Variants in MYBBP1A observed in about 807,000 individuals in gnomAD.
MYBBP1A encodes the protein MYB binding protein 1a.
In MYBBP1A, 147 loss-of-function variants were observed where a neutral mutation model predicts 136.3. The observed-to-expected ratio is 1.08, with a 90% CI of 0.94 to 1.24. The LOEUF (loss-of-function observed/expected upper bound fraction) is 1.24, where lower values mean the gene tolerates loss of function less well. Ranked by LOEUF, MYBBP1A falls within the 50% of genes most tolerant of loss-of-function variation. MYBBP1A has a pLI of 0.00. For synonymous variants in MYBBP1A, 947 were observed against 735.8 expected (o/e 1.29, Z -4.65); for missense variants, 2,060 against 1,727.4 (o/e 1.19, Z -3.41).
chr17:4,550,397 G>A, intron 8 of MYBBP1A, 44 bp from the exon 9 acceptor site: 3 of 1,565,300 alleles, frequency 1.9e-6, no homozygotes, highest in Middle Eastern at 2.2e-4. Flanking sequence ...GCCCAGGGGG[G>A]CAGGCGGTTA....
chr17:4,539,470 AGGCTG>A lies in MYBBP1A; in HGVS notation c.3927_3931del (p.Ser1310AlafsTer33), dbSNP rs760840855. 1.9e-6 allele frequency: 3 copies of A among 1,614,036 alleles called. No individual in the cohort carries two copies. Among genetic ancestry groups the A allele is most frequent in the Non-Finnish European group, 2.5e-6 (3 of 1,179,990 alleles). ...TTTCTTCTTGGCCCCACTCTGAAGC[AGGCTG>A]GGACTCCTGATGACCAAAGACAGCC... On this transcript the variant is annotated frameshift_variant, in exon 26 of 26. Coordinates refer to ENST00000254718, the MANE Select transcript of MYBBP1A (RefSeq NM_014520.4). LOFTEE classifies it low-confidence loss of function (END_TRUNC).
Position 4,544,546 on chromosome 17 carries a change from C to A in MYBBP1A, c.2582G>T (p.Arg861Leu). 2 of 1,559,034 alleles carry A rather than the reference C, an allele frequency of 1.3e-6. No homozygotes were observed. Among genetic ancestry groups the A allele is most frequent in the Admixed American group, 1.9e-5 (1 of 52,122 alleles). ...CTGCTCCTGTTTGGAGCTGCTGCTG[C>A]GCAGGCTGCGCCGGATGATGCTCAG... is the stretch of plus-strand genomic sequence containing the variant. ...PLLSIIRRSL[R>L]SSSSKQEQDL... Residue 861 changes from arginine (R) to leucine (L), a missense_variant, in exon 19 of 26, where the codon CGC becomes CTC. By Grantham distance (102) the Arg-to-Leu change is moderately radical. Coordinates refer to ENST00000254718, the MANE Select transcript of MYBBP1A (RefSeq NM_014520.4).
rs755542622 is a variant in MYBBP1A, at chr17:4,545,156, T to C, written c.2180A>G (p.Glu727Gly). Reference sequence around the variant, plus strand: ...TTCACTCTCTGAGCTTCTGTTGTCCTCACCTTCCTCGCTCTTGTCCTGTGT... The same window carrying C: ...TTCACTCTCTGAGCTTCTGTTGTCCCCACCTTCCTCGCTCTTGTCCTGTGT... ...KGAEDKSEEG[E>G]DNRSSESEEE... is the part of the protein sequence containing the mutation. Residue 727 changes from glutamate (E) to glycine (G), a missense_variant, in exon 17 of 26, where the codon GAG becomes GGG. Glu to Gly is a moderately conservative substitution (Grantham distance 98). Coordinates refer to ENST00000254718, the MANE Select transcript of MYBBP1A (RefSeq NM_014520.4). The C allele has an allele frequency of 1.2e-6, 2 of 1,613,402 alleles. No homozygotes were observed. Among genetic ancestry groups the C allele is most frequent in the Non-Finnish European group, 1.7e-6 (2 of 1,179,938 alleles).
At position 4,545,712 on chromosome 17, in the gene MYBBP1A, G is replaced by A. The variant is rs373646913; in HGVS notation, c.1971C>T (p.Ala657=). The change falls in exon 15 of 26, where the codon GCC becomes GCT. Residue 657 remains alanine (A), a synonymous_variant. Transcript: ENST00000254718. The part of the protein sequence containing the change: ...WVEVLVEILL[A]LLAQPSHLMR... ...TGAGGTGGCTGGGCTGGGCCAACAGGGCCAGCAAGATCTCCACCAGCACCT... is the reference window on the plus strand; with the variant it reads ...TGAGGTGGCTGGGCTGGGCCAACAGAGCCAGCAAGATCTCCACCAGCACCT... 1.2e-5 allele frequency: 19 copies of A among 1,610,244 alleles called. No homozygotes were observed. In the East Asian group the frequency reaches 1.8e-4, roughly 15 times the overall value.
rs1906883574 is a variant in MYBBP1A, at chr17:4,545,150, TTGTCCTCACCTTCCTCGCTCTTGTCC to T, written c.2161-1_2185del. ...CTCCTCTTCACTCTCTGAGCTTCTGTTGTCCTCACCTTCCTCGCTCTTGTCCTGTGTGGTAGAGGCAGGCGCGTCAC... is the reference window on the plus strand; with the variant it reads ...CTCCTCTTCACTCTCTGAGCTTCTGTTGTGTGGTAGAGGCAGGCGCGTCAC... On this transcript the variant is annotated splice_acceptor_variant and coding_sequence_variant, in exon 17 of 26. Coordinates refer to ENST00000254718, the MANE Select transcript of MYBBP1A (RefSeq NM_014520.4). LOFTEE classifies it high-confidence loss of function. 7.4e-6 allele frequency: 12 copies of T among 1,613,364 alleles called. No individual in the cohort carries two copies. Among genetic ancestry groups the T allele is most frequent in the African/African-American group, 1.3e-5 (1 of 74,814 alleles).
intron 25 of MYBBP1A, 118 bp from the exon 26 acceptor site, chr17:4,540,085 C>G: frequency 1.5e-6 from 2 of 1,291,136 alleles, no homozygotes; most frequent in Non-Finnish European, 2.1e-6. Flanking sequence ...TTCTGTGAGG[C>G]CCCTATGAGG....
rs200188651 is a variant in MYBBP1A at position 4,544,489 on chromosome 17, G to A, written c.2639C>T (p.Thr880Met). Residue 880 changes from threonine (T) to methionine (M), a missense_variant and splice_region_variant, in exon 19 of 26, where the codon ACG becomes ATG. Transcript: ENST00000254718. ...GCCCGCCCTGCACCCCCGTGCTCAC[G>A]TGAAGATGCGCGCCGTCTTGTGCAG... is the stretch of plus-strand genomic sequence containing the variant. Reference protein sequence around the residue: ...DLLHKTARIFTHHLCRARRYC... With the variant: ...DLLHKTARIFMHHLCRARRYC... 1.0e-3 allele frequency: 1,617 copies of A among 1,548,712 alleles called. 1 individual carries two copies. Among genetic ancestry groups the A allele is most frequent in the Non-Finnish European group, 1.3e-3 (1,521 of 1,147,584 alleles).
chr17:4,544,914 T>C lies in MYBBP1A; in HGVS notation c.2318A>G (p.Glu773Gly), dbSNP rs148686428. Residue 773 changes from glutamate (E) to glycine (G), a missense_variant, in exon 18 of 26, where the codon GAG becomes GGG. Coordinates refer to ENST00000254718, the MANE Select transcript of MYBBP1A (RefSeq NM_014520.4). ...VLQAGKALGG[E>G]DSENEEELGD... The stretch of plus-strand genomic sequence containing the variant: ...CAGCTCCTCCTCGTTCTCACTGTCC[T>C]CTCCACCCTGAGGGACAGAGGCCCA... 3.1e-6 allele frequency: 5 copies of C among 1,599,654 alleles called. No homozygotes were observed. The Admixed American group carries it at 6.7e-5, about 22-fold the overall frequency.
rs754938613 is a variant in MYBBP1A, at chr17:4,543,071, C to T, written c.2734G>A (p.Gly912Ser). ...GCGGTGGGGGAGTCGGGCTGGCGGC[C>T]AGCCTGCTGCACCAACCGCTCCACC... ...AQVERLVQQA[G>S]RQPDSPTALY... Residue 912 changes from glycine (G) to serine (S), a missense_variant, in exon 20 of 26, where the codon GGC becomes AGC. Coordinates refer to ENST00000254718, the MANE Select transcript of MYBBP1A (RefSeq NM_014520.4). The T allele has an allele frequency of 1.2e-6, 2 of 1,613,260 alleles. No individual in the cohort carries two copies. The highest frequency in any genetic ancestry group is 1.7e-6 in the Non-Finnish European group (2 of 1,179,954).
At chr17:4,544,438 G>A (rs1214200281) in intron 19 of MYBBP1A, 51 bp downstream of exon 19, 1 of 1,538,016 alleles carries the variant, frequency 6.5e-7, no homozygotes, top group South Asian at 1.2e-5. Flanking sequence ...TGGCTCTCCT[G>A]CGCCTGGGGG....
At chr17:4,549,717 G>A (rs921386500) in intron 9 of MYBBP1A, among the ~76,000 whole-genome samples, 1 of 136,812 alleles carries the variant, frequency 7.3e-6, no homozygotes, top group East Asian at 2.2e-4. Flanking sequence ...CCGGGAGGCA[G>A]AAGTTGCAAT....
Position 4,542,959 on chromosome 17 carries a change from T to C in MYBBP1A, c.2846A>G (p.Lys949Arg). ...AEGCVHETQEKQKAGTDPSHM... is the reference protein window; with the variant it reads ...AEGCVHETQERQKAGTDPSHM... ...GCTGGGGTCAGTGCCAGCTTTCTGC[T>C]TCTCCTGTGTCTCATGCACGCAGCC... The change falls in exon 20 of 26, where the codon AAG (lysine) becomes AGG (arginine). Residue 949 changes from lysine (K) to arginine (R), a missense_variant. Transcript: ENST00000254718. 6.2e-7 allele frequency: 1 copy of C among 1,614,070 alleles called. No individual in the cohort carries two copies. Among genetic ancestry groups the C allele is most frequent in the Non-Finnish European group, 8.5e-7 (1 of 1,179,990 alleles).
intron 8 of MYBBP1A, 112 bp from the exon 9 acceptor site, chr17:4,550,465 G>A: frequency 2.4e-6 from 3 of 1,244,898 alleles, no homozygotes; most frequent in Non-Finnish European, 3.3e-6. Flanking sequence ...ACAGCCCGGG[G>A]GCAGGCGGGC....
intron 5 of MYBBP1A, among the ~76,000 whole-genome samples, chr17:4,553,011 G>A (rs1488993998): frequency 1.6e-4 from 24 of 152,050 alleles, no homozygotes; most frequent in Admixed American, 1.6e-3. Flanking sequence ...TAGTAGAGAT[G>A]GGGTTTCACC....
chr17:4,539,405 G>C lies in MYBBP1A; in HGVS notation c.*10C>G. On this transcript the variant is annotated 3_prime_UTR_variant, in exon 26 of 26. Coordinates refer to ENST00000254718, the MANE Select transcript of MYBBP1A (RefSeq NM_014520.4). ...TGGAGGCAGGGGCTGAGGGGGGCCC[G>C]TACCTGTGCTCAGGGCTTCCCTGCC... is the stretch of plus-strand genomic sequence containing the variant. 6.3e-7 allele frequency: 1 copy of C among 1,599,560 alleles called. No homozygotes were observed. The highest frequency in any genetic ancestry group is 1.7e-5 in the Admixed American group (1 of 59,112).
chr17:4,548,619 T>G lies in MYBBP1A; in HGVS notation c.1461A>C (p.Thr487=). 3 of 1,614,148 alleles carry G rather than the reference T, an allele frequency of 1.9e-6. No homozygotes were observed. Among genetic ancestry groups the G allele is most frequent in the Non-Finnish European group, 2.5e-6 (3 of 1,180,024 alleles). Residue 487 remains threonine, a synonymous_variant, in exon 11 of 26, where the codon ACA becomes ACC. Coordinates refer to ENST00000254718, the MANE Select transcript of MYBBP1A (RefSeq NM_014520.4). The surrounding 1 kb of genome is among the most constrained non-coding windows in gnomAD (Gnocchi z 4.2). The part of the protein sequence containing the change: ...RFCLFHSFFV[T]KKPTSQIPET... ...CAGGGATCTGGGATGTGGGCTTCTT[T>G]GTGACAAAGAACGAGTGGAACAAAC...
chr17:4,553,736 G>T, intron 5 of MYBBP1A, 74 bp downstream of exon 5: 1 of 1,132,074 alleles, frequency 8.8e-7, no homozygotes, highest in Non-Finnish European at 1.3e-6. Context: ...TGCTGTTCCA[G>T]ATTCTCATCC....
chr17:4,540,391 G>GGC lies in MYBBP1A; in HGVS notation c.3389_3390dup (p.Leu1131AlafsTer10). On this transcript the variant is annotated frameshift_variant, in exon 25 of 26. Transcript: ENST00000254718. LOFTEE classifies it low-confidence loss of function (END_TRUNC). ...ATGGCCTGCCAGTAGAGGTCGTGCA[G>GGC]GCGGCTGGAGCCGGTGGAGTGTGCC... The GGC allele has an allele frequency of 6.2e-7, 1 of 1,610,174 alleles. No homozygotes were observed. The highest frequency in any genetic ancestry group is 8.5e-7 in the Non-Finnish European group (1 of 1,179,820).
chr17:4,553,655 TTTC>T (rs1907741941), intron 5 of MYBBP1A, among the ~76,000 whole-genome samples, 152 bp downstream of exon 5: 1 of 152,250 alleles, frequency 6.6e-6, no homozygotes, highest in Non-Finnish European at 1.5e-5. Flanking sequence ...ATGACACCTG[TTTC>T]TTTTTACCTT....
Sources: gnomAD v4.1 joint callset for allele counts (sites outside exome capture counted in the v4.1 genomes callset) on GRCh38, gnomAD v4.1.1 for gene constraint, Gnocchi (gnomAD v3.1) non-coding constraint, MANE v1.5 for transcripts, NCBI Gene and HGNC (gene_info 2026-07-23, HGNC 2026-07-21) for gene names.